STKLD1: variants seen among roughly 807,000 people sequenced by gnomAD.
STKLD1 encodes the protein serine/threonine kinase-like domain-containing protein STKLD1.
In STKLD1, 79 loss-of-function variants were observed where a neutral mutation model predicts 80.4. That is an observed-to-expected ratio of 0.98 (90% confidence interval 0.82 to 1.19). STKLD1 has a LOEUF of 1.19. STKLD1 is among the 50% of genes most tolerant of loss of function. The pLI is 0.00. For missense variants in STKLD1, 841 were observed against 856.0 expected (o/e 0.98, Z 0.22); for synonymous variants, 393 against 357.6 (o/e 1.10, Z -1.12).
chr9:133,404,899 G>T lies in STKLD1; in HGVS notation c.1843G>T (p.Gly615Cys), dbSNP rs35683622. 2 of 1,613,284 alleles carry T rather than the reference G, an allele frequency of 1.2e-6. No individual in the cohort carries two copies. Among genetic ancestry groups the T allele is most frequent in the Non-Finnish European group, 1.7e-6 (2 of 1,179,818 alleles). ...RDDPEVVENV[G>C]MLLVHLASYE... ...CGACCCGGAGGTGGTGGAGAACGTGGGCATGCTGCTGGTCCACCTGGCTTC... is the reference window on the plus strand; with the variant it reads ...CGACCCGGAGGTGGTGGAGAACGTGTGCATGCTGCTGGTCCACCTGGCTTC... The change falls in exon 17 of 18, where the codon GGC becomes TGC. Residue 615 changes from glycine (G) to cysteine (C), a missense_variant. Transcript: ENST00000371957.
At position 133,394,487 on chromosome 9, in the gene STKLD1, C is replaced by G. The variant is rs1838507034; in HGVS notation, c.702+78C>G. On this transcript the variant is annotated intron_variant, in intron 8 of 17. Transcript: ENST00000371957. The surrounding 1 kb of genome is among the most constrained non-coding windows in gnomAD (Gnocchi z 4.9). ...GCCTGGGGAAAAGGCTTGGCCTCAC[C>G]CTGCCTCCCCTCTGCATCCCTTCCC... is the stretch of plus-strand genomic sequence containing the variant. The G allele has an allele frequency of 2.9e-6, 3 of 1,022,230 alleles. No homozygotes were observed. Among genetic ancestry groups the G allele is most frequent in the East Asian group, 2.4e-5 (1 of 42,068 alleles). The allele number at this position is 1,022,230 out of a possible 1,614,324, so 63.3% of individuals were successfully genotyped here.
intron 2 of STKLD1, among the ~76,000 whole-genome samples, chr9:133,382,034 C>T (rs1197230891): frequency 6.6e-6 from 1 of 152,154 alleles, no homozygotes; most frequent in Non-Finnish European, 1.5e-5. Context: ...GTAGTATATA[C>T]CTAGGGCCTG....
Position 133,389,277 on chromosome 9 carries a change from G to A in STKLD1, c.397-249G>A, listed in dbSNP as rs911012363. The A allele has an allele frequency of 1.0e-6, 1 of 985,268 alleles. No individual in the cohort carries two copies. Among genetic ancestry groups the A allele is most frequent in the Non-Finnish European group, 1.2e-6 (1 of 829,882 alleles). The allele number at this position is 985,268 out of a possible 1,614,324, so 61.0% of individuals were successfully genotyped here. A position where few individuals can be genotyped will look rare whatever the true frequency, so the allele number is the denominator to read the frequency against. On this transcript the variant is annotated intron_variant, in intron 5 of 17. Coordinates refer to ENST00000371957, the MANE Select transcript of STKLD1 (RefSeq NM_153710.5). The surrounding 1 kb of genome is among the most constrained non-coding windows in gnomAD (Gnocchi z 6.4). ...GGATGGGGCCCCTGCAGCACCCAGG[G>A]TCTCTGGTATGGAGACAGCAGTGTG...
At position 133,403,693 on chromosome 9, in the gene STKLD1, G is replaced by C. The variant is rs782169477; in HGVS notation, c.1475-7G>C. 4.3e-6 allele frequency: 7 copies of C among 1,611,806 alleles called. No individual in the cohort carries two copies. Among genetic ancestry groups the C allele is most frequent in the African/African-American group, 2.7e-5 (2 of 75,032 alleles). On this transcript the variant is annotated splice_region_variant and splice_polypyrimidine_tract_variant and intron_variant, in intron 14 of 17. Coordinates refer to ENST00000371957, the MANE Select transcript of STKLD1 (RefSeq NM_153710.5). ...GGTGTCCCCTTCCATCCCTGTCCTCGTTCCAGGTATCATTGTGAACAAGGC... is the reference window on the plus strand; with the variant it reads ...GGTGTCCCCTTCCATCCCTGTCCTCCTTCCAGGTATCATTGTGAACAAGGC...
intron 4 of STKLD1, 148 bp from the exon 5 acceptor site, chr9:133,387,299 C>T (rs1036432969): frequency 2.8e-5 from 17 of 608,342 alleles, no homozygotes; most frequent in African/African-American, 2.4e-4. Context: ...GAAGGTGGGG[C>T]AGGAGGGGCT....
chr9:133,386,152 T>C (rs1473549569), intron 4 of STKLD1, among the ~76,000 whole-genome samples: 5 of 152,212 alleles, frequency 3.3e-5, no homozygotes, highest in South Asian at 4.1e-4. Flanking sequence ...CTCCTGACCT[T>C]AAGTGATCCG....
At chr9:133,387,735 C>T (rs2130280613) in intron 5 of STKLD1, 187 bp downstream of exon 5, 2 of 686,612 alleles carry the variant, frequency 2.9e-6, no homozygotes, top group Middle Eastern at 2.3e-4. Flanking sequence ...CAGTTTGATG[C>T]ACTCACACAA....
chr9:133,376,838 T>C (rs1837976261), intron 1 of STKLD1, among the ~76,000 whole-genome samples: 2 of 152,234 alleles, frequency 1.3e-5, no homozygotes, highest in African/African-American at 2.4e-5. Flanking sequence ...GTGCCTGGGG[T>C]CTGTGCGCTT....
chr9:133,395,038 G>A (rs1024609545), intron 8 of STKLD1, among the ~76,000 whole-genome samples: 1 of 152,140 alleles, frequency 6.6e-6, no homozygotes, highest in African/African-American at 2.4e-5. Context: ...AGTGGGGAAG[G>A]CCTGCCATGC....
intron 16 of STKLD1, 61 bp downstream of exon 16, chr9:133,404,109 C>G: frequency 6.7e-7 from 1 of 1,496,210 alleles, no homozygotes; most frequent in Middle Eastern, 2.4e-4. Context: ...CAGCCCCCAT[C>G]AGTTACATCT....
Position 133,405,659 on chromosome 9 carries a change from T to C in STKLD1, c.*238T>C, listed in dbSNP as rs150414384. The C allele has an allele frequency of 2.4e-6, 1 of 414,550 alleles. No homozygotes were observed. Among genetic ancestry groups the C allele is most frequent in the East Asian group, 4.2e-5 (1 of 23,594 alleles). 25.7% of individuals were successfully genotyped at this position (414,550 alleles called of 1,614,324 possible). ...TTGCCTGCTTCCTCCTTCCAGGAAC[T>C]GGTTTCTTGCGCGGAAAAAGTGCTC... On this transcript the variant is annotated 3_prime_UTR_variant, in exon 18 of 18. Transcript: ENST00000371957.
rs1838255645 is a variant in STKLD1 at position 133,385,952 on chromosome 9, C to T, written c.294+261C>T. ...TTTTTTTTTTGGACAAAGTCTCGCT[C>T]TTGTCCCCCAGGCTGGAGTGTAATG... On this transcript the variant is annotated intron_variant, in intron 4 of 17. Transcript: ENST00000371957. This position sits in a 1 kb window ranked among gnomAD's most constrained non-coding sequence, Gnocchi z 4.9. Among the ~76,000 whole-genome samples the T allele has an allele frequency of 6.6e-6, 1 of 151,454 alleles. No homozygotes were observed. Among genetic ancestry groups the T allele is most frequent in the Non-Finnish European group, 1.5e-5 (1 of 67,884 alleles).
At chr9:133,395,880 G>A (rs1838548302) in intron 9 of STKLD1, 117 bp downstream of exon 9, 4 of 1,055,454 alleles carry the variant, frequency 3.8e-6, no homozygotes, top group Non-Finnish European at 5.5e-6. Flanking sequence ...CATCACAGAT[G>A]CCCTGATTAT....
chr9:133,404,743 T>C lies in STKLD1; in HGVS notation c.1733-46T>C, dbSNP rs782707396. 4 of 1,601,550 alleles carry C rather than the reference T, an allele frequency of 2.5e-6. No homozygotes were observed. The African/African-American group carries it at 4.0e-5, about 16-fold the overall frequency. ...CCGTCCTGGGCAGAAGGCTCTTCCC[T>C]TTCAGGGGAAAGCAGGGAATGAACC... On this transcript the variant is annotated intron_variant, in intron 16 of 17. Coordinates refer to ENST00000371957, the MANE Select transcript of STKLD1 (RefSeq NM_153710.5).
chr9:133,393,655 G>GCGT (rs1838483575), intron 7 of STKLD1, among the ~76,000 whole-genome samples: 2 of 139,152 alleles, frequency 1.4e-5, no homozygotes, highest in African/African-American at 5.5e-5. Context: ...ATGGGTGGGT[G>GCGT]GGTGGATGGA....
Position 133,385,801 on chromosome 9 carries a change from G to A in STKLD1, c.294+110G>A, listed in dbSNP as rs2130275633. 67 of 1,012,424 alleles carry A rather than the reference G, an allele frequency of 6.6e-5. No individual in the cohort carries two copies. The East Asian group carries it at 1.5e-3, about 23-fold the overall frequency. 62.7% of individuals were successfully genotyped at this position (1,012,424 alleles called of 1,614,324 possible). On this transcript the variant is annotated intron_variant, in intron 4 of 17. Transcript: ENST00000371957. This position sits in a 1 kb window ranked among gnomAD's most constrained non-coding sequence, Gnocchi z 4.9. ...CCCCACTGTCAGAATAGCTCGTGTG[G>A]CAATGGCAGTGACTGTAAACGTGGC...
At chr9:133,403,657 C>A in intron 14 of STKLD1, 43 bp from the exon 15 acceptor site, 2 of 1,598,538 alleles carry the variant, frequency 1.3e-6, no homozygotes, top group Non-Finnish European at 1.7e-6. Context: ...CCTGCACACA[C>A]CCAAGGCCTG....
intron 2 of STKLD1, among the ~76,000 whole-genome samples, chr9:133,383,405 A>G (rs2119211469): frequency 3.0e-3 from 1 of 328 alleles, no homozygotes; most frequent in African/African-American, 9.1e-3. Flanking sequence ...GTGATGATAT[A>G]TGATGATGAT....
In STKLD1 at chr9:133,400,466, CAT is replaced by C. The variant is rs782450469; in HGVS notation, c.1136_1137del (p.His379ArgfsTer164). 1 of 1,613,526 alleles carries C rather than the reference CAT, an allele frequency of 6.2e-7. No individual in the cohort carries two copies. The highest frequency in any genetic ancestry group is 1.1e-5 in the South Asian group (1 of 91,086). ...GGTGGTGGTCACGACCATGGAGCTA[CAT>C]GACAGGGTCCTCGATGTCCAGCTGT... The part of the protein sequence containing the change: ...VEVVVTTMEL[H>X]DRVLDVQLCA... On this transcript the variant is annotated frameshift_variant, in exon 12 of 18. Transcript: ENST00000371957. LOFTEE classifies it high-confidence loss of function.
Sources: gnomAD v4.1 joint callset for allele counts (sites outside exome capture counted in the v4.1 genomes callset) on GRCh38, gnomAD v4.1.1 for gene constraint, Gnocchi (gnomAD v3.1) non-coding constraint, MANE v1.5 for transcripts, NCBI Gene and HGNC (gene_info 2026-07-23, HGNC 2026-07-21) for gene names.